The following DOCK2 variants were observed in gnomAD, a reference collection of about 807,000 sequenced individuals.
DOCK2 encodes dedicator of cytokinesis protein 2.
Under a neutral mutation model 248.9 loss-of-function variants are expected in DOCK2, and 87 were observed. The observed-to-expected ratio is 0.35, with a 90% CI of 0.29 to 0.42. The LOEUF (loss-of-function observed/expected upper bound fraction) is 0.42. Ranked by LOEUF, DOCK2 falls within the 10% of genes least tolerant of loss-of-function variation. The pLI is 1.00. For missense variants in DOCK2, 1,747 were observed against 2,300.2 expected (o/e 0.76, Z 4.92); for synonymous variants, 805 against 821.6 (o/e 0.98, Z 0.35).
intron 27 of DOCK2, among the ~76,000 whole-genome samples, chr5:169,892,888 A>T (rs1290180889): frequency 1.3e-5 from 2 of 148,788 alleles, no homozygotes; most frequent in Non-Finnish European, 3.0e-5. Flanking sequence ...CTCTGTCTTC[A>T]CTCCTTCTTT....
intron 2 of DOCK2, among the ~76,000 whole-genome samples, chr5:169,663,596 G>A (rs1032231314): frequency 3.3e-5 from 5 of 152,188 alleles, no homozygotes; most frequent in South Asian, 2.1e-4. Flanking sequence ...CTTGTCTCCT[G>A]TGCACCTGCA....
intron 30 of DOCK2, among the ~76,000 whole-genome samples, chr5:169,999,361 G>A (rs368146246): frequency 5.9e-5 from 9 of 152,158 alleles, no homozygotes; most frequent in Admixed American, 2.0e-4. Flanking sequence ...GTGAATTCAC[G>A]TAAAGCATTT....
At chr5:169,983,725 T>C (rs1050678483) in intron 28 of DOCK2, among the ~76,000 whole-genome samples, 19 of 152,180 alleles carry the variant, frequency 1.2e-4, no homozygotes, top group African/African-American at 4.6e-4. Flanking sequence ...GCCCTCAGTG[T>C]GGCCTCCTTT....
chr5:170,007,009 TG>T (rs1432941394), intron 30 of DOCK2, among the ~76,000 whole-genome samples: 2 of 152,208 alleles, frequency 1.3e-5, no homozygotes, highest in Non-Finnish European at 2.9e-5. Context: ...GAAAGGAAGA[TG>T]TATGAGAAAG....
chr5:169,679,718 T>G (rs560554149), intron 6 of DOCK2, among the ~76,000 whole-genome samples: 19 of 152,352 alleles, frequency 1.2e-4, no homozygotes, highest in Non-Finnish European at 2.6e-4. Context: ...TTGGGCAGCA[T>G]GGCCGTGTAC....
chr5:169,925,439 G>A (rs1466310538), intron 27 of DOCK2, among the ~76,000 whole-genome samples: 1 of 152,054 alleles, frequency 6.6e-6, no homozygotes, highest in African/African-American at 2.4e-5. Context: ...AATTAACTGA[G>A]CGTGGTGTTG....
chr5:169,658,981 ATTATTATT>A (rs1459823613), intron 2 of DOCK2, among the ~76,000 whole-genome samples: 1 of 3,910 alleles, frequency 2.6e-4, no homozygotes, highest in Non-Finnish European at 9.5e-4. Context: ...ACAAGACTGC[ATTATTATT>A]ATTATTATTA....
chr5:169,850,554 A>AG (rs1770568374), intron 27 of DOCK2, among the ~76,000 whole-genome samples: 1 of 151,608 alleles, frequency 6.6e-6, no homozygotes, highest in Non-Finnish European at 1.5e-5. Context: ...ATAGTAAAAA[A>AG]AATTAGACAA....
chr5:170,062,114 T>TGTGTGTGG (rs1554129354), intron 44 of DOCK2, among the ~76,000 whole-genome samples: 292 of 150,844 alleles, frequency 1.9e-3, no homozygotes, highest in African/African-American at 6.4e-3. Context: ...TGTGTGTGTG[T>TGTGTGTGG]GTGTGTGTGT....
intron 27 of DOCK2, among the ~76,000 whole-genome samples, chr5:169,944,094 T>C (rs1418829921): frequency 2.6e-5 from 4 of 152,206 alleles, no homozygotes; most frequent in African/African-American, 9.6e-5. Flanking sequence ...ACCTGGATTA[T>C]GTCATTTAAC....
In DOCK2 at chr5:169,710,435, AG is replaced by A. The variant is rs1378307180; in HGVS notation, c.1483-1498del. Among the ~76,000 whole-genome samples the A allele has an allele frequency of 2.0e-5, 3 of 152,242 alleles. No homozygotes were observed. The East Asian group carries it at 5.8e-4, about 29-fold the overall frequency. On this transcript the variant is annotated intron_variant, in intron 15 of 51. Transcript: ENST00000520908. Reference sequence around the variant, plus strand: ...TTGCAAGCCAATGTGAGCCTATCACAGGCTGTATAATGCCTGAAAGATGCCC... The same window carrying A: ...TTGCAAGCCAATGTGAGCCTATCACAGCTGTATAATGCCTGAAAGATGCCC...
intron 27 of DOCK2, among the ~76,000 whole-genome samples, chr5:169,859,751 C>A (rs1771078714): frequency 6.6e-6 from 1 of 152,200 alleles, no homozygotes; most frequent in Non-Finnish European, 1.5e-5. Context: ...TTGGACAAAT[C>A]ATTTAGCCTT....
At chr5:169,768,155 G>A (rs1401065729) in intron 25 of DOCK2, among the ~76,000 whole-genome samples, 1 of 152,082 alleles carries the variant, frequency 6.6e-6, no homozygotes, top group Non-Finnish European at 1.5e-5. Flanking sequence ...TTCCACCCAC[G>A]GTCCGTTGGC....
intron 25 of DOCK2, among the ~76,000 whole-genome samples, chr5:169,782,270 CAGG>C (rs1765751013): frequency 6.6e-6 from 1 of 152,060 alleles, no homozygotes. Context: ...TCTAGTTTAT[CAGG>C]AGATAGCCAC....
At chr5:169,715,801 G>C (rs1221754064) in intron 19 of DOCK2, among the ~76,000 whole-genome samples, 2 of 152,028 alleles carry the variant, frequency 1.3e-5, no homozygotes, top group Non-Finnish European at 2.9e-5. Flanking sequence ...GTCCCCCGGG[G>C]TAATCACTGT....
chr5:169,677,708 T>C (rs1759411953), intron 6 of DOCK2, among the ~76,000 whole-genome samples: 1 of 152,216 alleles, frequency 6.6e-6, no homozygotes, highest in Non-Finnish European at 1.5e-5. Context: ...GGTTCTCCTT[T>C]TGTAATGAAG....
chr5:170,052,156 G>A (rs928477791), intron 41 of DOCK2, among the ~76,000 whole-genome samples: 1 of 152,186 alleles, frequency 6.6e-6, no homozygotes, highest in African/African-American at 2.4e-5. Flanking sequence ...TCAGTCTGCT[G>A]TACTTTAATC....
intron 23 of DOCK2, among the ~76,000 whole-genome samples, chr5:169,755,445 G>A (rs999026486): frequency 1.3e-4 from 20 of 152,092 alleles, no homozygotes; most frequent in Non-Finnish European, 2.6e-4. Flanking sequence ...AATAATGAGA[G>A]TAAAAATAAT....
chr5:169,752,887 AAATCTCGCCT>A (rs1763976613), intron 23 of DOCK2, among the ~76,000 whole-genome samples: 1 of 152,120 alleles, frequency 6.6e-6, no homozygotes. Flanking sequence ...CAACATGGTG[AAATCTCGCCT>A]CTACTAAAAA....
Sources: allele counts gnomAD v4.1 joint callset (sites outside exome capture counted in the v4.1 genomes callset), GRCh38; gene constraint gnomAD v4.1.1; transcripts MANE v1.5; gene names NCBI Gene and HGNC (gene_info 2026-07-23, HGNC 2026-07-21).